Variants in TRAF5 observed in about 807,000 individuals in gnomAD.
The protein encoded by TRAF5 is TNF receptor-associated factor 5.
In TRAF5, 48 loss-of-function variants were observed where a neutral mutation model predicts 64.5. The observed-to-expected ratio is 0.74, with a 90% CI of 0.59 to 0.95. The LOEUF (loss-of-function observed/expected upper bound fraction) is 0.95. Ranked by LOEUF, TRAF5 falls within the 40% of genes least tolerant of loss-of-function variation. The probability of loss-of-function intolerance (pLI) is 0.00; values close to 1 mark genes in which losing one functional copy is unlikely to be tolerated. For missense variants in TRAF5, 545 were observed against 662.8 expected, an observed-to-expected ratio of 0.82 and a Z score of 1.95; for synonymous variants, 206 against 240.5, an observed-to-expected ratio of 0.86 and a Z score of 1.33.
intron 1 of TRAF5, among the ~76,000 whole-genome samples, chr1:211,343,665 C>T (rs758495401): frequency 2.6e-5 from 4 of 152,148 alleles, no homozygotes; most frequent in Admixed American, 6.5e-5. Flanking sequence ...AATCCTAACC[C>T]ATATCTGACT....
chr1:211,344,688 T>C (rs1379035121), intron 1 of TRAF5, among the ~76,000 whole-genome samples: 1 of 152,204 alleles, frequency 6.6e-6, no homozygotes, highest in Non-Finnish European at 1.5e-5. Context: ...GTGAGACCAT[T>C]TCAGTTCTCC....
chr1:211,329,205 G>C (rs1702097407), intron 1 of TRAF5, among the ~76,000 whole-genome samples: 1 of 152,240 alleles, frequency 6.6e-6, no homozygotes, highest in South Asian at 2.1e-4. Flanking sequence ...CTGTTTTCAT[G>C]TGTGTCTTGG....
intron 6 of TRAF5, 94 bp downstream of exon 6, chr1:211,360,873 C>T (rs1703155537): frequency 1.2e-5 from 15 of 1,219,564 alleles, no homozygotes; most frequent in Middle Eastern, 2.1e-4. Context: ...AAGATAAGGG[C>T]CCAGGGCTTA....
chr1:211,333,147 C>T (rs1164205932), intron 1 of TRAF5, among the ~76,000 whole-genome samples: 2 of 152,168 alleles, frequency 1.3e-5, no homozygotes, highest in Non-Finnish European at 2.9e-5. Context: ...TCTGTTCAAG[C>T]CTTGTTAAAT....
chr1:211,367,980 C>T (rs570883247), intron 8 of TRAF5, among the ~76,000 whole-genome samples: 79 of 151,948 alleles, frequency 5.2e-4, no homozygotes, highest in African/African-American at 1.9e-3. Context: ...GATTTATACA[C>T]TAGAATATGG....
In TRAF5 at chr1:211,346,261, T is replaced by C. The variant is rs1363065696; in HGVS notation, c.-1-6978T>C. On this transcript the variant is annotated intron_variant, in intron 1 of 10. Transcript: ENST00000261464. ...GTTTGTGGTACTTGCCAGTGGGATA[T>C]TGTAATTGATCATTTTTGTGCCTTA... is the stretch of plus-strand genomic sequence containing the variant. 6.5e-6 allele frequency: 4 copies of C among 613,406 alleles called. No individual in the cohort carries two copies. In the Admixed American group the frequency reaches 1.9e-4, roughly 29 times the overall value. 38.0% of individuals were successfully genotyped at this position (613,406 alleles called of 1,614,324 possible). A position where few individuals can be genotyped will look rare whatever the true frequency, so the allele number is the denominator to read the frequency against.
rs6660490 is a variant in TRAF5, at chr1:211,344,586, C to T, written c.-1-8653C>T. Among the ~76,000 whole-genome samples the T allele has an allele frequency of 6.9e-3, 1,054 of 152,268 alleles. 5 individuals are homozygous for T. Among genetic ancestry groups the T allele is most frequent in the Non-Finnish European group, 0.011 (771 of 68,022 alleles). On this transcript the variant is annotated intron_variant, in intron 1 of 10. Coordinates refer to ENST00000261464, the MANE Select transcript of TRAF5 (RefSeq NM_001033910.3). ...TGGTTCTCCCTTTCTCCAAGGCCTT[C>T]GTCTTTGACCTGCCTGGTTAAAGGG...
chr1:211,372,653 C>G lies in TRAF5; in HGVS notation c.1625C>G (p.Thr542Ser). 1 of 1,614,182 alleles carries G rather than the reference C, an allele frequency of 6.2e-7. No individual in the cohort carries two copies. Among genetic ancestry groups the G allele is most frequent in the South Asian group, 1.1e-5 (1 of 91,086 alleles). The change falls in exon 11 of 11, where the codon ACT becomes AGT. Residue 542 changes from threonine to serine, a missense_variant. Physicochemically the swap from Thr to Ser is moderately conservative, Grantham distance 58 (BLOSUM62 1). Transcript: ENST00000261464. ...NAKNAYIKDD[T>S]LFLKVAVDLT... ...AAGAACGCCTACATTAAAGATGACACTCTGTTCTTGAAAGTGGCCGTGGAC... is the reference window on the plus strand; with the variant it reads ...AAGAACGCCTACATTAAAGATGACAGTCTGTTCTTGAAAGTGGCCGTGGAC...
chr1:211,351,287 A>C (rs1030008264), intron 1 of TRAF5, among the ~76,000 whole-genome samples: 6 of 151,738 alleles, frequency 4.0e-5, no homozygotes, highest in African/African-American at 1.5e-4. Flanking sequence ...CAGCCTCCTA[A>C]AGTGCTGGGA....
rs771328463 is a variant in TRAF5, at chr1:211,373,007, G to A, written c.*305G>A. ...TTACTGGTGCTTAGCGCAGTGTCTCGGGCACTCTAAATATTGAGTGTTATG... is the reference window on the plus strand; with the variant it reads ...TTACTGGTGCTTAGCGCAGTGTCTCAGGCACTCTAAATATTGAGTGTTATG... On this transcript the variant is annotated 3_prime_UTR_variant, in exon 11 of 11. Coordinates refer to ENST00000261464, the MANE Select transcript of TRAF5 (RefSeq NM_001033910.3). The A allele has an allele frequency of 2.3e-5, 5 of 217,752 alleles. No homozygotes were observed. The highest frequency in any genetic ancestry group is 5.2e-5 in the Admixed American group (1 of 19,132). The allele number at this position is 217,752 out of a possible 1,614,324, so 13.5% of individuals were successfully genotyped here. A position where few individuals can be genotyped will look rare whatever the true frequency, so the allele number is the denominator to read the frequency against.
intron 1 of TRAF5, among the ~76,000 whole-genome samples, chr1:211,349,608 G>A (rs1702719632): frequency 6.6e-6 from 1 of 152,068 alleles, no homozygotes; most frequent in South Asian, 2.1e-4. Context: ...ATTTTGGGGG[G>A]GACACATACA....
chr1:211,353,905 G>A (rs957461105), intron 2 of TRAF5, among the ~76,000 whole-genome samples: 4 of 152,226 alleles, frequency 2.6e-5, no homozygotes, highest in African/African-American at 9.7e-5. Context: ...GAGGATACCA[G>A]GAGAGATGTG....
chr1:211,344,805 G>C (rs1702548413), intron 1 of TRAF5, among the ~76,000 whole-genome samples: 1 of 152,154 alleles, frequency 6.6e-6, no homozygotes, highest in South Asian at 2.1e-4. Context: ...GGAGTGCAGT[G>C]GCGTGAACAA....
Position 211,326,973 on chromosome 1 carries a change from C to A in TRAF5, c.-2+84C>A. ...CACCGACGAGCGCTTTTCATCTCGTCCCAGTTACTTTGAAACCGAAAGCGC... is the reference window on the plus strand; with the variant it reads ...CACCGACGAGCGCTTTTCATCTCGTACCAGTTACTTTGAAACCGAAAGCGC... On this transcript the variant is annotated intron_variant, in intron 1 of 10. Transcript: ENST00000261464. This position sits in a 1 kb window ranked among gnomAD's most constrained non-coding sequence, Gnocchi z 5.0. 1 of 960,894 alleles carries A rather than the reference C, an allele frequency of 1.0e-6. No individual in the cohort carries two copies. The highest frequency in any genetic ancestry group is 4.7e-5 in the South Asian group (1 of 21,056). 59.5% of individuals were successfully genotyped at this position (960,894 alleles called of 1,614,324 possible).
Position 211,373,425 on chromosome 1 carries a change from T to C in TRAF5, c.*723T>C, listed in dbSNP as rs372987588. On this transcript the variant is annotated 3_prime_UTR_variant, in exon 11 of 11. Transcript: ENST00000261464. ...TCAGATTTTGTTAGGTTCAACCCTA[T>C]GAAAAAAACTATTTTCATAGGTCAA... 4.6e-5 allele frequency: 7 copies of C among 152,072 alleles called. No homozygotes were observed. Among genetic ancestry groups the C allele is most frequent in the South Asian group, 4.1e-4 (2 of 4,830 alleles). The allele number at this position is 152,072 out of a possible 1,614,324, so 9.4% of individuals were successfully genotyped here. A position where few individuals can be genotyped will look rare whatever the true frequency, so the allele number is the denominator to read the frequency against.
intron 9 of TRAF5, among the ~76,000 whole-genome samples, chr1:211,370,407 A>ACACC (rs1350109251): frequency 6.6e-6 from 1 of 151,450 alleles, no homozygotes; most frequent in African/African-American, 2.4e-5. Flanking sequence ...ACACACACAC[A>ACACC]CACACCCTTC....
chr1:211,369,352 T>C (rs1056236594), intron 8 of TRAF5, 100 bp from the exon 9 acceptor site: 1 of 1,082,468 alleles, frequency 9.2e-7, no homozygotes, highest in African/African-American at 1.6e-5. Context: ...GTAGATTTTT[T>C]CCTAGAAATA....
intron 1 of TRAF5, among the ~76,000 whole-genome samples, chr1:211,334,663 AAAAC>A (rs981453719): frequency 9.2e-5 from 14 of 152,154 alleles, no homozygotes; most frequent in Admixed American, 3.9e-4. Context: ...GTCTCAAAAC[AAAAC>A]AAACAAACAA....
At chr1:211,367,599 G>A (rs17267561) in intron 8 of TRAF5, among the ~76,000 whole-genome samples, 17,464 of 152,226 alleles carry the variant, frequency 0.11, 1,138 homozygotes, top group South Asian at 0.19. Flanking sequence ...GGCCTTCTGA[G>A]GTTGTAAATG....
Sources: gnomAD v4.1 joint callset for allele counts (sites outside exome capture counted in the v4.1 genomes callset) on GRCh38, gnomAD v4.1.1 for gene constraint, Gnocchi (gnomAD v3.1) non-coding constraint, MANE v1.5 for transcripts, NCBI Gene and HGNC (gene_info 2026-07-23, HGNC 2026-07-21) for gene names.